LRP1B: variants seen among roughly 807,000 people sequenced by gnomAD.
LRP1B encodes low-density lipoprotein receptor-related protein 1B.
LRP1B carries 217 observed loss-of-function variants against 556.6 expected under a neutral mutation model. The ratio of observed to expected loss-of-function variants is 0.39; its 90% CI spans 0.35 to 0.44. LRP1B has a LOEUF of 0.44. Among genes scored for constraint, LRP1B ranks in the 20% least tolerant of loss-of-function variants. The probability of loss-of-function intolerance (pLI) is 1.00; values close to 1 mark genes in which losing one functional copy is unlikely to be tolerated. For missense variants in LRP1B, 5,053 were observed against 5,620.8 expected (o/e 0.90, Z 3.23); for synonymous variants, 2,047 against 1,865.8 (o/e 1.10, Z -2.50).
At chr2:140,245,963 C>A (rs1408454006) in intron 87 of LRP1B, among the ~76,000 whole-genome samples, 3 of 151,272 alleles carry the variant, frequency 2.0e-5, no homozygotes, top group Non-Finnish European at 4.4e-5. Flanking sequence ...ATATTCATGC[C>A]CAGACTGTCT....
At chr2:140,412,312 T>C (rs1416904839) in intron 66 of LRP1B, among the ~76,000 whole-genome samples, 1 of 152,096 alleles carries the variant, frequency 6.6e-6, no homozygotes, top group Non-Finnish European at 1.5e-5. Context: ...TTTTCTAGCC[T>C]TAAGATGGCT....
chr2:141,470,873 T>G (rs1328469694), intron 3 of LRP1B, among the ~76,000 whole-genome samples: 1 of 152,222 alleles, frequency 6.6e-6, no homozygotes, highest in Non-Finnish European at 1.5e-5. Flanking sequence ...TTAGGCATGT[T>G]ATAACAAGGT....
rs148187862 is a variant in LRP1B, at chr2:140,274,518, G to A, written c.13048C>T (p.Arg4350Cys). The change falls in exon 85 of 91, where the codon CGC becomes TGC. Residue 4350 changes from arginine (R) to cysteine (C), a missense_variant. Coordinates refer to ENST00000389484, the MANE Select transcript of LRP1B (RefSeq NM_018557.3). Reference sequence around the variant, plus strand: ...ACCTCACATTTTGGTCCTTCATAGCGCGTTGGACAGACACATTCAACACTT... The same window carrying A: ...ACCTCACATTTTGGTCCTTCATAGCACGTTGGACAGACACATTCAACACTT... ...DGSVECVCPT[R>C]YEGPKCEVDK... 1.6e-5 allele frequency: 26 copies of A among 1,612,190 alleles called. No homozygotes were observed. The highest frequency in any genetic ancestry group is 1.3e-4 in the Admixed American group (8 of 59,812).
intron 85 of LRP1B, among the ~76,000 whole-genome samples, chr2:140,271,280 A>G (rs1682448960): frequency 6.6e-6 from 1 of 151,960 alleles, no homozygotes; most frequent in African/African-American, 2.4e-5. Context: ...CATGCTGGCA[A>G]TTCTGATCAT....
At chr2:140,788,679 G>A (rs1175875511) in intron 32 of LRP1B, among the ~76,000 whole-genome samples, 1 of 152,116 alleles carries the variant, frequency 6.6e-6, no homozygotes, top group East Asian at 1.9e-4. Context: ...TTCTCTCTTT[G>A]CTAAGAAGAC....
Position 141,290,930 on chromosome 2 carries a change from G to A in LRP1B, c.344-36289C>T, listed in dbSNP as rs377740259. ...TCAAGCCAAATGAAACAGAACATCTGAGGAAATGTATCTCTATTCAAGTGT... is the reference window on the plus strand; with the variant it reads ...TCAAGCCAAATGAAACAGAACATCTAAGGAAATGTATCTCTATTCAAGTGT... On this transcript the variant is annotated intron_variant, in intron 3 of 90. Transcript: ENST00000389484. 4.1e-4 allele frequency among the ~76,000 whole-genome samples: 63 copies of A among 152,150 alleles called. 1 individual carries two copies. In the South Asian group the frequency reaches 0.012, roughly 29 times the overall value.
chr2:141,372,319 A>G lies in LRP1B; in HGVS notation c.343+108077T>C, dbSNP rs1444878744. Among the ~76,000 whole-genome samples the G allele has an allele frequency of 2.0e-5, 3 of 152,118 alleles. 1 individual carries two copies. Among genetic ancestry groups the G allele is most frequent in the South Asian group, 4.1e-4 (2 of 4,832 alleles). ...GTTGAGGACTTTTGTGCCTATGTTCATCGGAGATATTGGTCTATGATTTTC... is the reference window on the plus strand; with the variant it reads ...GTTGAGGACTTTTGTGCCTATGTTCGTCGGAGATATTGGTCTATGATTTTC... On this transcript the variant is annotated intron_variant, in intron 3 of 90. Coordinates refer to ENST00000389484, the MANE Select transcript of LRP1B (RefSeq NM_018557.3).
intron 2 of LRP1B, among the ~76,000 whole-genome samples, chr2:141,746,753 T>TA (rs1408367409): frequency 3.3e-5 from 5 of 152,082 alleles, no homozygotes; most frequent in Admixed American, 6.6e-5. Context: ...ATTATAACTT[T>TA]AAAAAATGCC....
intron 22 of LRP1B, among the ~76,000 whole-genome samples, chr2:140,905,414 G>A (rs1694222099): frequency 2.6e-5 from 4 of 152,196 alleles, no homozygotes; most frequent in Admixed American, 2.6e-4. Context: ...GCTTTAGAAA[G>A]CTTGCAATTA....
rs748602806 is a variant in LRP1B at position 142,130,628 on chromosome 2, C to A, written c.82+20G>T. On this transcript the variant is annotated intron_variant, in intron 1 of 90. Transcript: ENST00000389484. ...AGCCAAGGAAGTCAGGGGAGGGGAG[C>A]GGGGAGGTGTTCTCCTTACCTCGGT... 3.1e-6 allele frequency: 5 copies of A among 1,593,484 alleles called. No individual in the cohort carries two copies. Among genetic ancestry groups the A allele is most frequent in the Non-Finnish European group, 4.3e-6 (5 of 1,166,680 alleles).
chr2:141,104,846 C>T (rs1700565550), intron 7 of LRP1B, among the ~76,000 whole-genome samples: 1 of 151,934 alleles, frequency 6.6e-6, no homozygotes, highest in Non-Finnish European at 1.5e-5. Context: ...AAAACACCTG[C>T]CTGTCGTTAA....
At chr2:140,243,983 C>G (rs1391711280) in intron 87 of LRP1B, among the ~76,000 whole-genome samples, 1 of 151,156 alleles carries the variant, frequency 6.6e-6, no homozygotes, top group East Asian at 2.0e-4. Context: ...CTCACAATTA[C>G]TTTATACATT....
intron 1 of LRP1B, among the ~76,000 whole-genome samples, chr2:142,099,256 T>C (rs939166166): frequency 6.6e-6 from 1 of 151,914 alleles, no homozygotes; most frequent in Non-Finnish European, 1.5e-5. Context: ...ATATACATTC[T>C]TCCCTTGGTG....
chr2:140,345,781 T>TATATATACAC, intron 77 of LRP1B, among the ~76,000 whole-genome samples: 3 of 127,668 alleles, frequency 2.3e-5, no homozygotes, highest in Admixed American at 2.3e-4. Flanking sequence ...TATATATACA[T>TATATATACAC]ATATATACAC....
chr2:140,729,801 G>A (rs1687715898), intron 35 of LRP1B, among the ~76,000 whole-genome samples: 1 of 152,100 alleles, frequency 6.6e-6, no homozygotes, highest in South Asian at 2.1e-4. Context: ...TCTCTTCATA[G>A]TTAGCTACTT....
chr2:141,322,364 T>C (rs1279923430), intron 3 of LRP1B, among the ~76,000 whole-genome samples: 6 of 151,880 alleles, frequency 4.0e-5, no homozygotes, highest in African/African-American at 7.3e-5. Flanking sequence ...CAATAGAAAA[T>C]CTCTACCTGA....
rs565143201 is a variant in LRP1B at position 141,437,636 on chromosome 2, G to GA, written c.343+42759dup. On this transcript the variant is annotated intron_variant, in intron 3 of 90. Transcript: ENST00000389484. ...TAATTTTTGTATTATCATTCTGGGG[G>GA]AAAAAAATCTCAGGGGTATAGTATT... Among the ~76,000 whole-genome samples, 43 of 151,650 alleles carry GA rather than the reference G, an allele frequency of 2.8e-4. 1 individual carries two copies. In the South Asian group the frequency reaches 7.3e-3, roughly 26 times the overall value.
At chr2:141,934,972 G>T (rs1451463965) in intron 1 of LRP1B, among the ~76,000 whole-genome samples, 1 of 151,626 alleles carries the variant, frequency 6.6e-6, no homozygotes, top group African/African-American at 2.4e-5. Context: ...TTTGAGGAGT[G>T]AAAGGGAAAG....
intron 41 of LRP1B, among the ~76,000 whole-genome samples, chr2:140,624,446 T>A (rs563724464): frequency 1.3e-5 from 2 of 152,306 alleles, no homozygotes; most frequent in Admixed American, 1.3e-4. Flanking sequence ...GTAACACTAA[T>A]CCTCAACAAT....
Sources: gnomAD v4.1 joint callset for allele counts (sites outside exome capture counted in the v4.1 genomes callset) on GRCh38, gnomAD v4.1.1 for gene constraint, MANE v1.5 for transcripts, NCBI Gene and HGNC (gene_info 2026-07-23, HGNC 2026-07-21) for gene names.